IL1RAPL2: variants seen among roughly 807,000 people sequenced by gnomAD.
IL1RAPL2 encodes the protein interleukin 1 receptor accessory protein like 2.
A neutral mutation model predicts 44.1 loss-of-function variants in IL1RAPL2; 3 were observed. That is an observed-to-expected ratio of 0.07 (90% confidence interval 0.03 to 0.18). The LOEUF is 0.18. IL1RAPL2 is among the 10% of genes least tolerant of loss of function. IL1RAPL2 has a pLI of 1.00. For synonymous variants in IL1RAPL2, 181 were observed against 178.8 expected (o/e 1.01, Z -0.10); for missense variants, 391 against 496.4 (o/e 0.79, Z 2.02).
At chrX:105,489,823 T>TCTC (rs1362672136) in intron 6 of IL1RAPL2, among the ~76,000 whole-genome samples, 2 of 54,321 alleles carry the variant, frequency 3.7e-5, no homozygotes, top group African/African-American at 5.8e-5. Context: ...CTCTCTCTCT[T>TCTC]TCTTTTTCTT....
At chrX:104,915,862 A>G (rs1924408612) in intron 2 of IL1RAPL2, among the ~76,000 whole-genome samples, 1 of 111,737 alleles carries the variant, frequency 8.9e-6, no homozygotes, top group Non-Finnish European at 1.9e-5. Context: ...CAGGTTTGTC[A>G]AAGATCAGAT....
intron 2 of IL1RAPL2, among the ~76,000 whole-genome samples, chrX:104,979,013 A>G (rs1451580020): frequency 9.0e-6 from 1 of 111,159 alleles, no homozygotes; most frequent in Admixed American, 9.7e-5. Flanking sequence ...TTCAAAGTAC[A>G]TACAAAACAT....
intron 6 of IL1RAPL2, among the ~76,000 whole-genome samples, chrX:105,533,342 A>G (rs779968039): frequency 9.8e-5 from 11 of 112,167 alleles, no homozygotes. Context: ...AGAAAGTCCT[A>G]TGTACCCTTT....
At chrX:105,391,631 A>C (rs34221753) in intron 5 of IL1RAPL2, among the ~76,000 whole-genome samples, 139 of 99,676 alleles carry the variant, frequency 1.4e-3, no homozygotes, top group Middle Eastern at 5.0e-3. Context: ...TTGACCCAGC[A>C]ATCCCATTAC....
At chrX:105,701,244 T>C (rs1227047316) in intron 6 of IL1RAPL2, among the ~76,000 whole-genome samples, 1 of 111,201 alleles carries the variant, frequency 9.0e-6, no homozygotes, top group African/African-American at 3.3e-5. Context: ...GGTATGGAGA[T>C]GTAAGAGTAG....
At chrX:105,031,473 A>C (rs1449740521) in intron 2 of IL1RAPL2, among the ~76,000 whole-genome samples, 2 of 111,669 alleles carry the variant, frequency 1.8e-5, no homozygotes, top group African/African-American at 6.5e-5. Flanking sequence ...AATTTTGTCA[A>C]AGGCCTTTTC....
At chrX:105,558,264 T>C (rs1236343356) in intron 6 of IL1RAPL2, among the ~76,000 whole-genome samples, 1 of 111,527 alleles carries the variant, frequency 9.0e-6, no homozygotes, top group Non-Finnish European at 1.9e-5. Flanking sequence ...ATGGAGATAA[T>C]AGTAGTACAT....
At position 104,668,887 on chromosome X, in the gene IL1RAPL2, C is replaced by T. The variant is rs1262627290; in HGVS notation, c.82+9892C>T. 3.6e-5 allele frequency among the ~76,000 whole-genome samples: 4 copies of T among 110,464 alleles called. No homozygotes were observed. The East Asian group carries it at 1.2e-3, about 32-fold the overall frequency. ...TTTGAACACATTTACTAAGCACCACCCCCACAACCACGATTCTTCAGTTTT... is the reference window on the plus strand; with the variant it reads ...TTTGAACACATTTACTAAGCACCACTCCCACAACCACGATTCTTCAGTTTT... On this transcript the variant is annotated intron_variant, in intron 2 of 10. Transcript: ENST00000372582.
At chrX:104,798,045 G>T (rs886985397) in intron 2 of IL1RAPL2, among the ~76,000 whole-genome samples, 8 of 111,679 alleles carry the variant, frequency 7.2e-5, no homozygotes, top group Non-Finnish European at 1.1e-4. Context: ...ACCCAAGGCC[G>T]CAGACCTAGT....
chrX:105,126,917 C>T (rs1041523718), intron 2 of IL1RAPL2, among the ~76,000 whole-genome samples: 1 of 111,288 alleles, frequency 9.0e-6, no homozygotes, highest in African/African-American at 3.2e-5. Flanking sequence ...GCCAGAAGAG[C>T]ATCACCACAT....
chrX:105,494,686 G>A (rs916432962), intron 6 of IL1RAPL2, among the ~76,000 whole-genome samples: 1 of 111,031 alleles, frequency 9.0e-6, no homozygotes, highest in Non-Finnish European at 1.9e-5. Context: ...TCAGGGTCTC[G>A]CTCTGTCACC....
intron 1 of IL1RAPL2, among the ~76,000 whole-genome samples, chrX:104,622,708 G>A (rs940208881): frequency 2.7e-5 from 3 of 110,803 alleles, no homozygotes; most frequent in Admixed American, 1.9e-4. Flanking sequence ...GGCTTACACA[G>A]GATATAACTG....
At chrX:104,639,462 A>T (rs1929890990) in intron 1 of IL1RAPL2, among the ~76,000 whole-genome samples, 1 of 111,315 alleles carries the variant, frequency 9.0e-6, no homozygotes. Flanking sequence ...CTCCTGTCAC[A>T]TTGTTAATTG....
At chrX:105,456,839 T>C (rs1400525602) in intron 5 of IL1RAPL2, among the ~76,000 whole-genome samples, 1 of 110,974 alleles carries the variant, frequency 9.0e-6, no homozygotes, top group Admixed American at 9.7e-5. Flanking sequence ...ATATGTAAGA[T>C]TTCAATTATT....
At chrX:105,050,610 T>C (rs2031906835) in intron 2 of IL1RAPL2, among the ~76,000 whole-genome samples, 2 of 112,004 alleles carry the variant, frequency 1.8e-5, no homozygotes, top group South Asian at 3.7e-4. Flanking sequence ...GGGGTGTCGA[T>C]TTTCCTCCCA....
At chrX:105,323,153 A>G (rs967905000) in intron 5 of IL1RAPL2, among the ~76,000 whole-genome samples, 39 of 112,260 alleles carry the variant, frequency 3.5e-4, no homozygotes, top group African/African-American at 1.2e-3. Context: ...TGTCTTTTCA[A>G]GGAACTAAAG....
chrX:105,429,593 CTA>C (rs1295383026), intron 5 of IL1RAPL2, among the ~76,000 whole-genome samples: 1 of 111,864 alleles, frequency 8.9e-6, no homozygotes, highest in Admixed American at 9.5e-5. Flanking sequence ...TGACCACAGA[CTA>C]TGTTTGGCAA....
At chrX:104,723,803 C>T (rs1486747771) in intron 2 of IL1RAPL2, among the ~76,000 whole-genome samples, 1 of 111,193 alleles carries the variant, frequency 9.0e-6, no homozygotes, top group Non-Finnish European at 1.9e-5. Flanking sequence ...TGGTTCTGAG[C>T]TAGTGTCTCC....
At chrX:105,757,058 G>T (rs756698208) in intron 10 of IL1RAPL2, among the ~76,000 whole-genome samples, 1 of 111,508 alleles carries the variant, frequency 9.0e-6, no homozygotes, top group African/African-American at 3.3e-5. Context: ...TTTACTACAG[G>T]ATAAAATTTA....
Sources: allele counts gnomAD v4.1 joint callset (sites outside exome capture counted in the v4.1 genomes callset), GRCh38; gene constraint gnomAD v4.1.1; transcripts MANE v1.5; gene names NCBI Gene and HGNC (gene_info 2026-07-23, HGNC 2026-07-21).